CYBA: variants seen among roughly 807,000 people sequenced by gnomAD.
The protein encoded by CYBA is cytochrome b-245 alpha chain.
CYBA carries 21 observed loss-of-function variants against 20.8 expected under a neutral mutation model. The ratio of observed to expected loss-of-function variants is 1.01; its 90% CI spans 0.72 to 1.46. The LOEUF is 1.46. CYBA is among the 40% of genes most tolerant of loss of function. CYBA has a pLI of 0.00. For missense variants in CYBA, 344 were observed against 287.0 expected (o/e 1.20, Z -1.43); for synonymous variants, 164 against 127.5 (o/e 1.29, Z -1.93).
chr16:88,646,173 C>A lies in CYBA; in HGVS notation c.312G>T (p.Leu104=). 3 of 1,559,264 alleles carry A rather than the reference C, an allele frequency of 1.9e-6. No individual in the cohort carries two copies. The highest frequency in any genetic ancestry group is 8.7e-7 in the Non-Finnish European group (1 of 1,154,108). ...HLLLSVPAGF[L]LATILGTACL... ...AGGCGGTCCCAAGGATGGTGGCCAG[C>A]AGGAAGCCGGCGGGCACCGAGAGCC... The change falls in exon 5 of 6, where the codon CTG becomes CTT. Residue 104 remains leucine (L), a synonymous_variant. Coordinates refer to ENST00000261623, the MANE Select transcript of CYBA (RefSeq NM_000101.4).
At chr16:88,645,842 T>A (rs1650013215) in intron 5 of CYBA, 1 of 560,326 alleles carries the variant, frequency 1.8e-6, no homozygotes, top group African/African-American at 1.9e-5. Context: ...CGCATCTTTG[T>A]CTGTAAAGTG....
intron 1 of CYBA, 125 bp downstream of exon 1, chr16:88,650,831 A>T: frequency 1.9e-6 from 2 of 1,049,246 alleles, no homozygotes; most frequent in Non-Finnish European, 2.9e-6. Flanking sequence ...TCCTGGCCTG[A>T]CCCCGGCCCG....
At chr16:88,649,660 T>C (rs1020781636) in intron 1 of CYBA, among the ~76,000 whole-genome samples, 1 of 152,214 alleles carries the variant, frequency 6.6e-6, no homozygotes, top group Non-Finnish European at 1.5e-5. Flanking sequence ...AAGCAGCAGC[T>C]TGTGCCGAGG....
chr16:88,645,910 A>G (rs1907258696), intron 5 of CYBA: 3 of 597,004 alleles, frequency 5.0e-6, no homozygotes, highest in Non-Finnish European at 9.0e-6. Context: ...ATGCAAGGAA[A>G]TGACCCGACA....
At chr16:88,647,981 G>T in intron 2 of CYBA, 64 bp downstream of exon 2, 2 of 1,490,958 alleles carry the variant, frequency 1.3e-6, no homozygotes, top group South Asian at 1.2e-5. Flanking sequence ...AGCTCACTGT[G>T]AAGTGGCTCC....
chr16:88,649,517 A>G (rs1016591527), intron 1 of CYBA, among the ~76,000 whole-genome samples: 1 of 152,220 alleles, frequency 6.6e-6, no homozygotes, highest in Non-Finnish European at 1.5e-5. Flanking sequence ...TGCTGTGTAC[A>G]GGGGGGACTC....
chr16:88,650,822 C>A (rs1907496225), intron 1 of CYBA, 134 bp downstream of exon 1: 2 of 977,678 alleles, frequency 2.0e-6, no homozygotes, highest in East Asian at 5.2e-5. Flanking sequence ...CCCGCACCCT[C>A]CTGGCCTGAC....
intron 4 of CYBA, 54 bp downstream of exon 4, chr16:88,646,701 G>A: frequency 6.7e-7 from 1 of 1,497,794 alleles, no homozygotes; most frequent in Non-Finnish European, 9.3e-7. Flanking sequence ...ACAGTGGGGA[G>A]GGTCGGCTCC....
intron 2 of CYBA, 100 bp downstream of exon 2, chr16:88,647,945 T>G: frequency 8.5e-7 from 1 of 1,174,438 alleles, no homozygotes; most frequent in South Asian, 1.3e-5. Context: ...CCAGCCTGGC[T>G]GCGGTGGTGG....
At chr16:88,646,873 G>A (rs1188470737) in intron 3 of CYBA, 35 bp from the exon 4 acceptor site, 5 of 1,561,836 alleles carry the variant, frequency 3.2e-6, no homozygotes, top group Non-Finnish European at 4.4e-6. Flanking sequence ...GGCGCGGCTG[G>A]GCCTCTCCCA....
At chr16:88,650,449 A>G (rs779052216) in intron 1 of CYBA, 3 of 458,928 alleles carry the variant, frequency 6.5e-6, no homozygotes, top group South Asian at 4.6e-5. Context: ...GCCTTGTGAA[A>G]TCTCAGACCG....
chr16:88,643,318 G>T lies in CYBA; in HGVS notation c.*35C>A, dbSNP rs1263969305. 3 of 1,418,502 alleles carry T rather than the reference G, an allele frequency of 2.1e-6. No homozygotes were observed. The highest frequency in any genetic ancestry group is 1.3e-5 in the South Asian group (1 of 75,520). The allele number at this position is 1,418,502 out of a possible 1,614,324, so 87.9% of individuals were successfully genotyped here. On this transcript the variant is annotated 3_prime_UTR_variant, in exon 6 of 6. Transcript: ENST00000261623. This position sits in a 1 kb window ranked among gnomAD's most constrained non-coding sequence, Gnocchi z 4.3. ...GGCTTCGCTGCATTTATTGCAGGTGGGTGCACCTGGCGGGAGGGCAGGTCC... is the reference window on the plus strand; with the variant it reads ...GGCTTCGCTGCATTTATTGCAGGTGTGTGCACCTGGCGGGAGGGCAGGTCC...
intron 4 of CYBA, chr16:88,646,422 G>A: frequency 3.3e-6 from 1 of 305,432 alleles, no homozygotes; most frequent in South Asian, 2.3e-5. Flanking sequence ...ACGTGTGGGT[G>A]TCCTGGCCTC....
intron 1 of CYBA, among the ~76,000 whole-genome samples, chr16:88,649,166 T>G (rs975259645): frequency 6.6e-5 from 10 of 151,182 alleles, no homozygotes; most frequent in Admixed American, 2.6e-4. Context: ...CTCGATCTCC[T>G]GACCTCGTGA....
At chr16:88,644,556 G>A (rs1907207510) in intron 5 of CYBA, among the ~76,000 whole-genome samples, 1 of 152,252 alleles carries the variant, frequency 6.6e-6, no homozygotes, top group South Asian at 2.1e-4. Context: ...CGGGCGCGGT[G>A]GCTCACGCCT....
chr16:88,650,417 GC>G (rs756090223), intron 1 of CYBA: 1 of 457,580 alleles, frequency 2.2e-6, no homozygotes. Flanking sequence ...GCTGGGCAGG[GC>G]CGTCACTGGG....
At chr16:88,647,885 T>G (rs1200808062) in intron 2 of CYBA, 160 bp downstream of exon 2, 2 of 706,132 alleles carry the variant, frequency 2.8e-6, no homozygotes, top group East Asian at 2.7e-5. Context: ...GCGAGGGGCC[T>G]GGCTGCTGGG....
rs1338295833 is a variant in CYBA at position 88,646,130 on chromosome 16, C to A, written c.355G>T (p.Gly119Cys). The change falls in exon 5 of 6, where the codon GGC becomes TGC. Residue 119 changes from glycine to cysteine, a missense_variant. Physicochemically the swap from Gly to Cys is radical, Grantham distance 159 (BLOSUM62 -3). Coordinates refer to ENST00000261623, the MANE Select transcript of CYBA (RefSeq NM_000101.4). ...LGTACLAIAS[G>C]IYLLAAVRGE... ...GCGCCACTCACCAGTAGGTAGATGC[C>A]GCTCGCAATGGCCAGGCAGGCGGTC... The A allele has an allele frequency of 5.8e-6, 9 of 1,555,462 alleles. No individual in the cohort carries two copies. The highest frequency in any genetic ancestry group is 1.2e-5 in the South Asian group (1 of 84,438).
intron 2 of CYBA, chr16:88,647,700 C>G: frequency 2.3e-6 from 1 of 432,128 alleles, no homozygotes; most frequent in Non-Finnish European, 4.3e-6. Flanking sequence ...TGAGATGGGG[C>G]AGAGGAGGTA....
Sources: gnomAD v4.1 joint callset for allele counts (sites outside exome capture counted in the v4.1 genomes callset) on GRCh38, gnomAD v4.1.1 for gene constraint, Gnocchi (gnomAD v3.1) non-coding constraint, MANE v1.5 for transcripts, NCBI Gene and HGNC (gene_info 2026-07-23, HGNC 2026-07-21) for gene names.